NCKAP5: variants seen among roughly 807,000 people sequenced by gnomAD.
NCKAP5 encodes nck-associated protein 5.
Under a neutral mutation model 167.0 loss-of-function variants are expected in NCKAP5, and 92 were observed. That is an observed-to-expected ratio of 0.55 (90% CI 0.47 to 0.66). The LOEUF (loss-of-function observed/expected upper bound fraction) is 0.66, where lower values mean the gene tolerates loss of function less well. Among genes scored for constraint, NCKAP5 ranks in the 30% least tolerant of loss-of-function variants. The pLI, the probability that NCKAP5 is intolerant of heterozygous loss-of-function variation, is 0.00. For synonymous variants in NCKAP5, 891 were observed against 877.4 expected, an observed-to-expected ratio of 1.02 and a Z score of -0.27; for missense variants, 2,378 against 2,315.0, an observed-to-expected ratio of 1.03 and a Z score of -0.56.
chr2:133,446,829 G>T (rs1035273791), intron 3 of NCKAP5, among the ~76,000 whole-genome samples: 2 of 152,276 alleles, frequency 1.3e-5, no homozygotes, highest in Middle Eastern at 3.4e-3. Context: ...GAAGAGGTGA[G>T]AAGTGAGGGG....
intron 19 of NCKAP5, among the ~76,000 whole-genome samples, chr2:132,690,496 T>C (rs772349283): frequency 6.6e-6 from 1 of 152,252 alleles, no homozygotes; most frequent in Non-Finnish European, 1.5e-5. Flanking sequence ...AGAAGTTTAG[T>C]AATGTTTCTG....
At chr2:133,574,922 G>A in the NCKAP5 span, among the ~76,000 whole-genome samples, 3 of 152,330 alleles carry the variant, frequency 2.0e-5, no homozygotes, top group East Asian at 5.8e-4. Context: ...CAGGGCTCTA[G>A]GGGTGAGCAA....
At position 133,050,191 on chromosome 2, in the gene NCKAP5, C is replaced by T. The variant is rs574247496; in HGVS notation, c.342-55952G>A. ...GCCACTTGAGGATACAGATGTGTGT[C>T]ATTCTTCTCCAGGATTCCCCAAAAC... On this transcript the variant is annotated intron_variant, in intron 6 of 19. Coordinates refer to ENST00000409261, the MANE Select transcript of NCKAP5 (RefSeq NM_207363.3). 3.3e-5 allele frequency among the ~76,000 whole-genome samples: 5 copies of T among 152,266 alleles called. No individual in the cohort carries two copies. In the South Asian group the frequency reaches 1.0e-3, roughly 32 times the overall value.
At chr2:133,350,887 C>T (rs1684316122) in intron 3 of NCKAP5, among the ~76,000 whole-genome samples, 1 of 152,020 alleles carries the variant, frequency 6.6e-6, no homozygotes, top group Non-Finnish European at 1.5e-5. Context: ...ACACCCTCTC[C>T]CTCTCTCTCC....
chr2:132,721,546 C>A (rs879751051), intron 19 of NCKAP5, among the ~76,000 whole-genome samples: 1 of 152,150 alleles, frequency 6.6e-6, no homozygotes, highest in Non-Finnish European at 1.5e-5. Context: ...CACTGACTCA[C>A]GGGGAATAAA....
intron 11 of NCKAP5, among the ~76,000 whole-genome samples, chr2:132,845,700 G>C (rs895162399): frequency 6.6e-6 from 1 of 152,074 alleles, no homozygotes; most frequent in African/African-American, 2.4e-5. Flanking sequence ...GTACCACAGG[G>C]TAATTTTTCC....
rs186588124 is a variant in NCKAP5, at chr2:133,089,827, G to A, written c.341+40151C>T. Among the ~76,000 whole-genome samples, 51 of 152,292 alleles carry A rather than the reference G, an allele frequency of 3.3e-4. No homozygotes were observed. The East Asian group carries it at 8.9e-3, about 26-fold the overall frequency. ...ATAACACACCCATGATAACTGGGAT[G>A]ACAACAAAAGTTCCGGTAAGCTTTC... is the stretch of plus-strand genomic sequence containing the variant. On this transcript the variant is annotated intron_variant, in intron 6 of 19. Transcript: ENST00000409261.
At position 133,331,237 on chromosome 2, in the gene NCKAP5, G is replaced by C. The variant is rs139923367; in HGVS notation, c.70-28127C>G. 2.6e-4 allele frequency among the ~76,000 whole-genome samples: 39 copies of C among 152,194 alleles called. No individual in the cohort carries two copies. The East Asian group carries it at 7.3e-3, about 29-fold the overall frequency. ...TATTTATACTCCTTTTTTGTTGGCAGGTTTTAATAGTTAAAGATAGATTCG... is the reference window on the plus strand; with the variant it reads ...TATTTATACTCCTTTTTTGTTGGCACGTTTTAATAGTTAAAGATAGATTCG... On this transcript the variant is annotated intron_variant, in intron 3 of 19. Coordinates refer to ENST00000409261, the MANE Select transcript of NCKAP5 (RefSeq NM_207363.3).
intron 15 of NCKAP5, among the ~76,000 whole-genome samples, chr2:132,780,635 C>G (rs886498652): frequency 6.6e-6 from 1 of 152,162 alleles, no homozygotes; most frequent in Non-Finnish European, 1.5e-5. Flanking sequence ...TCAAAATAGG[C>G]AATACTCTCT....
chr2:133,142,575 T>C (rs969549449), intron 5 of NCKAP5, among the ~76,000 whole-genome samples: 1 of 152,172 alleles, frequency 6.6e-6, no homozygotes, highest in African/African-American at 2.4e-5. Flanking sequence ...TGGTCTCTCC[T>C]GGAAGGCTTT....
chr2:132,698,174 A>C (rs16840026), intron 19 of NCKAP5, among the ~76,000 whole-genome samples: 1,683 of 152,304 alleles, frequency 0.011, 35 homozygotes, highest in African/African-American at 0.038. Flanking sequence ...CTGTTCTGTC[A>C]ACAAATCTGA....
chr2:133,304,929 A>G (rs1407104307), intron 3 of NCKAP5, among the ~76,000 whole-genome samples: 1 of 152,220 alleles, frequency 6.6e-6, no homozygotes, highest in Non-Finnish European at 1.5e-5. Flanking sequence ...TGTCACGTGA[A>G]GACTCCAGAA....
At chr2:133,310,998 T>C (rs1429443962) in intron 3 of NCKAP5, among the ~76,000 whole-genome samples, 1 of 152,226 alleles carries the variant, frequency 6.6e-6, no homozygotes, top group Non-Finnish European at 1.5e-5. Flanking sequence ...AATTTTTCCC[T>C]ATACGTCAAC....
chr2:132,782,975 C>G lies in NCKAP5; in HGVS notation c.3836G>C (p.Ser1279Thr), dbSNP rs572161564. 22 of 1,613,956 alleles carry G rather than the reference C, an allele frequency of 1.4e-5. No individual in the cohort carries two copies. In the South Asian group the frequency reaches 2.4e-4, roughly 18 times the overall value. The stretch of plus-strand genomic sequence containing the variant: ...AGAAGGCTTGTCTCCTGAGTGTGTA[C>G]TGAAGCTGTGGCTGCGGGCTTTGGC... ...NGAKARSHSFSTHSGDKPSTP... is the reference protein window; with the variant it reads ...NGAKARSHSFTTHSGDKPSTP... The change falls in exon 14 of 20, where the codon AGT (serine) becomes ACT (threonine). Residue 1279 changes from serine (S) to threonine (T), a missense_variant. Ser to Thr is a moderately conservative substitution (Grantham distance 58). Coordinates refer to ENST00000409261, the MANE Select transcript of NCKAP5 (RefSeq NM_207363.3).
rs1010201475 is a variant in NCKAP5, at chr2:133,112,200, C to A, written c.341+17778G>T. 6.6e-5 allele frequency among the ~76,000 whole-genome samples: 10 copies of A among 152,136 alleles called. 1 individual carries two copies. Among genetic ancestry groups the A allele is most frequent in the Non-Finnish European group, 1.5e-4 (10 of 68,026 alleles). ...TTTAAAATAGGTATGCTAGGTATGGCGTGGTGGCTCACACCTGTAATCCCA... is the reference window on the plus strand; with the variant it reads ...TTTAAAATAGGTATGCTAGGTATGGAGTGGTGGCTCACACCTGTAATCCCA... On this transcript the variant is annotated intron_variant, in intron 6 of 19. Coordinates refer to ENST00000409261, the MANE Select transcript of NCKAP5 (RefSeq NM_207363.3).
intron 4 of NCKAP5, among the ~76,000 whole-genome samples, chr2:133,270,600 C>T (rs1266843833): frequency 1.3e-5 from 2 of 152,204 alleles, no homozygotes; most frequent in Non-Finnish European, 2.9e-5. Context: ...ACTTAAGCAA[C>T]AAAAGTACTG....
At chr2:132,818,988 A>G (rs992917919) in intron 11 of NCKAP5, among the ~76,000 whole-genome samples, 1 of 152,152 alleles carries the variant, frequency 6.6e-6, no homozygotes, top group African/African-American at 2.4e-5. Flanking sequence ...TGTTTTTCCA[A>G]TATTTTGGCA....
At chr2:132,817,287 G>A (rs1302295717) in intron 11 of NCKAP5, among the ~76,000 whole-genome samples, 2 of 152,140 alleles carry the variant, frequency 1.3e-5, no homozygotes, top group East Asian at 1.9e-4. Flanking sequence ...ATCGATGTTG[G>A]CTCTTACAGA....
intron 3 of NCKAP5, among the ~76,000 whole-genome samples, chr2:133,508,879 AG>A (rs1265897885): frequency 1.3e-5 from 2 of 152,258 alleles, no homozygotes; most frequent in African/African-American, 4.8e-5. Flanking sequence ...TTTCTGCTAT[AG>A]AAGCAGTCTC....
Sources: gnomAD v4.1 joint callset for allele counts (sites outside exome capture counted in the v4.1 genomes callset) on GRCh38, gnomAD v4.1.1 for gene constraint, MANE v1.5 for transcripts, NCBI Gene and HGNC (gene_info 2026-07-23, HGNC 2026-07-21) for gene names.